The following SUPT3H variants were observed in gnomAD, a reference collection of about 807,000 sequenced individuals.
SUPT3H encodes SPT3 homolog, SAGA and STAGA complex component, also known as transcription initiation protein SPT3 homolog.
In SUPT3H, 44 loss-of-function variants were observed where a neutral mutation model predicts 44.3. The ratio of observed to expected loss-of-function variants is 0.99; its 90% CI spans 0.78 to 1.28. The LOEUF (loss-of-function observed/expected upper bound fraction) is 1.28, where lower values mean the gene tolerates loss of function less well. Ranked by LOEUF, SUPT3H falls within the 50% of genes most tolerant of loss-of-function variation. SUPT3H has a pLI of 0.00. For missense variants in SUPT3H, 380 were observed against 387.1 expected (o/e 0.98, Z 0.15); for synonymous variants, 124 against 125.6 (o/e 0.99, Z 0.09).
At chr6:45,301,139 T>C (rs986698283) in intron 2 of SUPT3H, among the ~76,000 whole-genome samples, 1 of 152,080 alleles carries the variant, frequency 6.6e-6, no homozygotes, top group South Asian at 2.1e-4. Flanking sequence ...TAGTGAGAAC[T>C]GAGAGCTGTA....
chr6:45,329,486 A>G (rs1787021862), intron 2 of SUPT3H, among the ~76,000 whole-genome samples: 1 of 151,932 alleles, frequency 6.6e-6, no homozygotes, highest in African/African-American at 2.4e-5. Flanking sequence ...ACTTACATGC[A>G]ACTGCATTTT....
At chr6:44,975,719 C>T (rs1012830821) in intron 6 of SUPT3H, among the ~76,000 whole-genome samples, 2 of 151,932 alleles carry the variant, frequency 1.3e-5, no homozygotes, top group Non-Finnish European at 2.9e-5. Context: ...TCCTCAAACA[C>T]TATTGGGAAA....
intron 10 of SUPT3H, among the ~76,000 whole-genome samples, chr6:44,872,664 T>C (rs1439453462): frequency 9.6e-6 from 1 of 104,094 alleles, no homozygotes; most frequent in Non-Finnish European, 2.0e-5. Flanking sequence ...ACTTTAAATA[T>C]AAATGGACTA....
Position 45,016,297 on chromosome 6 carries a change from T to G in SUPT3H, c.274-1406A>C, listed in dbSNP as rs980131509. Among the ~76,000 whole-genome samples the G allele has an allele frequency of 2.6e-5, 4 of 152,060 alleles. No homozygotes were observed. In the South Asian group the frequency reaches 8.3e-4, roughly 32 times the overall value. On this transcript the variant is annotated intron_variant, in intron 4 of 10. Coordinates refer to ENST00000371459, the MANE Select transcript of SUPT3H (RefSeq NM_003599.4). ...TACATTTTTGAAAAACAGTTCATCA[T>G]ATGGTACCTGACTATAATTGTTTTT...
intron 2 of SUPT3H, among the ~76,000 whole-genome samples, chr6:45,173,262 A>T (rs1441072961): frequency 6.6e-6 from 1 of 152,242 alleles, no homozygotes; most frequent in Non-Finnish European, 1.5e-5. Flanking sequence ...CTTAAACAGA[A>T]CATTTTCCCC....
At chr6:45,289,297 G>A (rs915448693) in intron 2 of SUPT3H, among the ~76,000 whole-genome samples, 11 of 151,956 alleles carry the variant, frequency 7.2e-5, no homozygotes, top group South Asian at 4.2e-4. Flanking sequence ...AAAAAGAACC[G>A]TAAGAAGAGC....
At chr6:45,223,961 C>T (rs976020762) in intron 2 of SUPT3H, among the ~76,000 whole-genome samples, 3 of 148,622 alleles carry the variant, frequency 2.0e-5, no homozygotes, top group African/African-American at 7.4e-5. Context: ...GTAAATTACA[C>T]CAACAAGCCT....
intron 1 of SUPT3H, among the ~76,000 whole-genome samples, chr6:45,376,421 G>A (rs1344195477): frequency 2.6e-5 from 4 of 152,126 alleles, no homozygotes; most frequent in Non-Finnish European, 5.9e-5. Flanking sequence ...GTATTTAAAC[G>A]TAAATCAATT....
chr6:45,265,210 A>G (rs1181547997), intron 2 of SUPT3H, among the ~76,000 whole-genome samples: 1 of 152,170 alleles, frequency 6.6e-6, no homozygotes, highest in East Asian at 1.9e-4. Flanking sequence ...ATTTTAAATG[A>G]TCCTCAATTT....
chr6:45,147,699 A>G (rs1676416212), intron 2 of SUPT3H, among the ~76,000 whole-genome samples: 1 of 151,968 alleles, frequency 6.6e-6, no homozygotes, highest in African/African-American at 2.4e-5. Flanking sequence ...AAATTCTAGC[A>G]AGGAAACAGC....
intron 5 of SUPT3H, among the ~76,000 whole-genome samples, chr6:45,013,130 T>C (rs1447428147): frequency 6.6e-6 from 1 of 152,104 alleles, no homozygotes; most frequent in East Asian, 1.9e-4. Flanking sequence ...GATTGATTGA[T>C]CTAAATAATG....
chr6:45,214,537 A>T (rs1562708204), intron 2 of SUPT3H, among the ~76,000 whole-genome samples: 1 of 152,222 alleles, frequency 6.6e-6, no homozygotes, highest in Non-Finnish European at 1.5e-5. Context: ...ATCATAAAGT[A>T]CAGACAATTT....
intron 2 of SUPT3H, among the ~76,000 whole-genome samples, chr6:45,147,900 CAGTT>C (rs1300108191): frequency 6.6e-6 from 1 of 151,980 alleles, no homozygotes. Context: ...TAAGTAATGT[CAGTT>C]AGCTAGCAGT....
intron 6 of SUPT3H, among the ~76,000 whole-genome samples, chr6:44,980,225 T>G (rs1459908151): frequency 2.0e-5 from 3 of 149,388 alleles, no homozygotes; most frequent in African/African-American, 7.4e-5. Context: ...GCAGAAAGGG[T>G]AGGGAGTGTA....
At chr6:45,079,963 T>C (rs1229431987) in intron 3 of SUPT3H, among the ~76,000 whole-genome samples, 1 of 152,082 alleles carries the variant, frequency 6.6e-6, no homozygotes, top group Non-Finnish European at 1.5e-5. Flanking sequence ...TTACATCAAA[T>C]TGCAAAGCTT....
At chr6:45,078,450 C>T (rs765352756) in intron 3 of SUPT3H, among the ~76,000 whole-genome samples, 2 of 152,156 alleles carry the variant, frequency 1.3e-5, no homozygotes, top group Non-Finnish European at 2.9e-5. Context: ...TACACAGTAT[C>T]GTTACAGCAT....
At chr6:45,015,060 A>C (rs1309715473) in intron 4 of SUPT3H, among the ~76,000 whole-genome samples, 169 bp from the exon 5 acceptor site, 1 of 152,184 alleles carries the variant, frequency 6.6e-6, no homozygotes, top group Non-Finnish European at 1.5e-5. Context: ...TCAAACACAA[A>C]GGCTAAAATA....
intron 6 of SUPT3H, among the ~76,000 whole-genome samples, chr6:44,978,586 A>T (rs529479502): frequency 3.7e-4 from 57 of 152,360 alleles, no homozygotes; most frequent in African/African-American, 1.3e-3. Flanking sequence ...GAGAATATGC[A>T]TACTGTGTAT....
chr6:45,271,801 C>T (rs1477196653), intron 2 of SUPT3H, among the ~76,000 whole-genome samples: 3 of 152,138 alleles, frequency 2.0e-5, no homozygotes, highest in South Asian at 4.1e-4. Flanking sequence ...CTCAATTCCA[C>T]CCCATGAAAG....
Sources: allele counts gnomAD v4.1 joint callset (sites outside exome capture counted in the v4.1 genomes callset), GRCh38; gene constraint gnomAD v4.1.1; transcripts MANE v1.5; gene names NCBI Gene and HGNC (gene_info 2026-07-23, HGNC 2026-07-21).